GDA: variants seen among roughly 807,000 people sequenced by gnomAD.
GDA encodes the protein cytoplasmic PSD-95 interactor.
GDA carries 18 observed loss-of-function variants against 59.6 expected under a neutral mutation model. That is an observed-to-expected ratio of 0.30 (90% CI 0.21 to 0.45). The LOEUF is 0.45. Among genes scored for constraint, GDA ranks in the 20% least tolerant of loss-of-function variants. GDA has a pLI of 1.00. For missense variants in GDA, 427 were observed against 552.3 expected (o/e 0.77, Z 2.27); for synonymous variants, 201 against 201.1 (o/e 1.00, Z 0.00).
chr9:72,139,297 GTTATA>G (rs111876698), intron 1 of GDA, among the ~76,000 whole-genome samples: 14,800 of 152,060 alleles, frequency 0.097, 1,333 homozygotes, highest in African/African-American at 0.24. Context: ...AATTGACATT[GTTATA>G]TTATATGTTC....
At chr9:72,226,490 T>C (rs1837602609) in intron 8 of GDA, among the ~76,000 whole-genome samples, 1 of 152,130 alleles carries the variant, frequency 6.6e-6, no homozygotes, top group Non-Finnish European at 1.5e-5. Flanking sequence ...ACTCTGAGAG[T>C]GCTTTTAAAA....
intron 1 of GDA, among the ~76,000 whole-genome samples, chr9:72,134,526 T>A (rs1179388163): frequency 6.6e-6 from 1 of 151,800 alleles, no homozygotes; most frequent in Non-Finnish European, 1.5e-5. Flanking sequence ...CCCAGCCACA[T>A]GAGTAGCTGG....
chr9:72,133,233 T>A (rs899830101), intron 1 of GDA, among the ~76,000 whole-genome samples: 1 of 139,656 alleles, frequency 7.2e-6, no homozygotes, highest in Non-Finnish European at 1.5e-5. Flanking sequence ...GAGGTTGTAG[T>A]GAACCGAGAT....
At chr9:72,146,146 G>A (rs1826623400), upstream of GDA, among the ~76,000 whole-genome samples, 1 of 150,216 alleles carries the variant, frequency 6.7e-6, no homozygotes, top group Non-Finnish European at 1.5e-5. Flanking sequence ...GGGGGTTGGG[G>A]GTTGGGGGAG....
At chr9:72,232,404 A>G (rs1309629762) in intron 10 of GDA, among the ~76,000 whole-genome samples, 1 of 152,200 alleles carries the variant, frequency 6.6e-6, no homozygotes, top group Non-Finnish European at 1.5e-5. Context: ...GTTTTTCCCT[A>G]TTTTATGGGA....
chr9:72,203,453 G>A (rs1834271117), intron 3 of GDA, among the ~76,000 whole-genome samples: 1 of 152,166 alleles, frequency 6.6e-6, no homozygotes, highest in African/African-American at 2.4e-5. Flanking sequence ...GCAGTAGTGT[G>A]TACCAGCCAT....
intron 10 of GDA, 138 bp from the exon 11 acceptor site, chr9:72,241,014 A>G (rs542874760): frequency 3.9e-6 from 2 of 513,090 alleles, no homozygotes; most frequent in South Asian, 4.9e-5. Flanking sequence ...GTCTACGACT[A>G]TCTTGTGTTT....
intron 8 of GDA, among the ~76,000 whole-genome samples, chr9:72,227,632 T>A (rs1837759471): frequency 6.6e-6 from 1 of 152,174 alleles, no homozygotes; most frequent in Non-Finnish European, 1.5e-5. Flanking sequence ...TCATGTTATC[T>A]TCCATCTGGA....
rs1840445126 is a variant in GDA at position 72,249,149 on chromosome 9, G to A, written c.*807G>A. The A allele has an allele frequency of 2.0e-6, 2 of 981,376 alleles. No individual in the cohort carries two copies. Among genetic ancestry groups the A allele is most frequent in the South Asian group, 9.4e-5 (2 of 21,192 alleles). 60.8% of individuals were successfully genotyped at this position (981,376 alleles called of 1,614,324 possible). A position where few individuals can be genotyped will look rare whatever the true frequency, so the allele number is the denominator to read the frequency against. On this transcript the variant is annotated 3_prime_UTR_variant, in exon 14 of 14. Transcript: ENST00000358399. The stretch of plus-strand genomic sequence containing the variant: ...TAAAATCAACTTATAACTGTGAGAT[G>A]TTATTGCTTCCATTTTATTAGAAGA...
At chr9:72,174,755 T>TAG (rs772962195) in intron 1 of GDA, among the ~76,000 whole-genome samples, 105 of 150,684 alleles carry the variant, frequency 7.0e-4, no homozygotes, top group African/African-American at 1.9e-3. Context: ...TATATATATA[T>TAG]ATATATAGAG....
chr9:72,152,386 C>G (rs1027444676), intron 1 of GDA, among the ~76,000 whole-genome samples: 3 of 152,166 alleles, frequency 2.0e-5, no homozygotes, highest in Non-Finnish European at 4.4e-5. Context: ...AAGAAATTAT[C>G]TAGCCAACTT....
At chr9:72,255,225 C>T (rs1013804594), downstream of GDA, among the ~76,000 whole-genome samples, 3 of 152,148 alleles carry the variant, frequency 2.0e-5, no homozygotes, top group South Asian at 2.1e-4. Flanking sequence ...TGCAAATTAA[C>T]GGGTGGGTGG....
intron 11 of GDA, among the ~76,000 whole-genome samples, chr9:72,244,153 G>A (rs890269608): frequency 1.3e-5 from 2 of 151,436 alleles, no homozygotes; most frequent in Non-Finnish European, 2.9e-5. Flanking sequence ...CTCCAGCCTA[G>A]GCGACAGAGC....
chr9:72,195,933 A>G (rs1833123523), intron 2 of GDA, among the ~76,000 whole-genome samples: 1 of 152,136 alleles, frequency 6.6e-6, no homozygotes, highest in Non-Finnish European at 1.5e-5. Flanking sequence ...GTAAACAAGC[A>G]AACAGATACC....
chr9:72,221,283 TC>T lies in GDA; in HGVS notation c.606+1778del, dbSNP rs149425206. Among the ~76,000 whole-genome samples, 1,044 of 152,302 alleles carry T rather than the reference TC, an allele frequency of 6.9e-3. 12 individuals carry two copies. Among genetic ancestry groups the T allele is most frequent in the African/African-American group, 0.024 (1,005 of 41,558 alleles). On this transcript the variant is annotated intron_variant, in intron 6 of 13. Transcript: ENST00000358399. ...CTTTTAAAACTTCAGCCTCCACTTTTCTTCATAAAGGCTACCCAGTCTAGCC... is the reference window on the plus strand; with the variant it reads ...CTTTTAAAACTTCAGCCTCCACTTTTTTCATAAAGGCTACCCAGTCTAGCC...
chr9:72,236,240 CA>C (rs1262534717), intron 10 of GDA, among the ~76,000 whole-genome samples: 1 of 152,178 alleles, frequency 6.6e-6, no homozygotes, highest in Non-Finnish European at 1.5e-5. Context: ...TGCAGTGGAG[CA>C]TCTGGAGGTT....
rs527733243 is a variant in GDA, at chr9:72,212,376, G to A, written c.473-1510G>A. ...GGGCGCCTGTAGTCCCAGCTACTCAGGAGGCTGAGGCAGGAGAATGACGTG... is the reference window on the plus strand; with the variant it reads ...GGGCGCCTGTAGTCCCAGCTACTCAAGAGGCTGAGGCAGGAGAATGACGTG... On this transcript the variant is annotated intron_variant, in intron 4 of 13. Coordinates refer to ENST00000358399, the MANE Select transcript of GDA (RefSeq NM_004293.5). Among the ~76,000 whole-genome samples the A allele has an allele frequency of 9.9e-5, 15 of 152,044 alleles. No individual in the cohort carries two copies. In the East Asian group the frequency reaches 1.4e-3, roughly 14 times the overall value.
chr9:72,157,553 G>A (rs1018961311), intron 1 of GDA, among the ~76,000 whole-genome samples: 2 of 152,028 alleles, frequency 1.3e-5, no homozygotes, highest in Admixed American at 6.6e-5. Context: ...TTTTCCTCTG[G>A]GATTTCTGTG....
rs2131896550 is a variant in GDA at position 72,251,847 on chromosome 9, T to C, written c.*3505T>C. 6.6e-6 allele frequency: 1 copy of C among 152,224 alleles called. No homozygotes were observed. The highest frequency in any genetic ancestry group is 2.1e-4 in the South Asian group (1 of 4,818). The allele number at this position is 152,224 out of a possible 1,614,324, so 9.4% of individuals were successfully genotyped here. A position where few individuals can be genotyped will look rare whatever the true frequency, so the allele number is the denominator to read the frequency against. ...GAAAGACTGAGAGTTGAGGAGTTAC[T>C]TTGTGGATCTTGTCCAAATTTAGTG... On this transcript the variant is annotated 3_prime_UTR_variant, in exon 14 of 14. Transcript: ENST00000358399.
Sources: gnomAD v4.1 joint callset for allele counts (sites outside exome capture counted in the v4.1 genomes callset) on GRCh38, gnomAD v4.1.1 for gene constraint, MANE v1.5 for transcripts, NCBI Gene and HGNC (gene_info 2026-07-23, HGNC 2026-07-21) for gene names.